The following TMEM222 variants were observed in gnomAD, a reference collection of about 807,000 sequenced individuals.
The protein encoded by TMEM222 is chromosome 1 open reading frame 160.
A neutral mutation model predicts 25.1 loss-of-function variants in TMEM222; 18 were observed. That is an observed-to-expected ratio of 0.72 (90% CI 0.50 to 1.06). The LOEUF is 1.06. Among genes scored for constraint, TMEM222 ranks in the 50% least tolerant of loss-of-function variants. TMEM222 has a pLI of 0.00. For synonymous variants in TMEM222, 131 were observed against 117.9 expected (o/e 1.11, Z -0.72); for missense variants, 296 against 293.7 (o/e 1.01, Z -0.06).
intron 3 of TMEM222, chr1:27,333,534 G>A: frequency 2.2e-6 from 1 of 452,872 alleles, no homozygotes; most frequent in Admixed American, 2.4e-5. Flanking sequence ...GAGGGCCTGA[G>A]GTGCCTTTCC....
chr1:27,325,109 G>A (rs1001397809), intron 1 of TMEM222: 6 of 323,048 alleles, frequency 1.9e-5, no homozygotes, highest in East Asian at 7.8e-5. Context: ...TAGATGTGGC[G>A]CAAGTAACTG....
intron 1 of TMEM222, among the ~76,000 whole-genome samples, chr1:27,323,254 G>C (rs2014251417): frequency 6.6e-6 from 1 of 152,242 alleles, no homozygotes; most frequent in African/African-American, 2.4e-5. Flanking sequence ...GAAGAGCTCA[G>C]TCTTCTGATC....
rs1571006029 is a variant in TMEM222 at position 27,325,810 on chromosome 1, C to A, written c.194+3419C>A. On this transcript the variant is annotated intron_variant, in intron 1 of 5. Transcript: ENST00000374076. ...AAATGCTTCTAAATGGACTGCGAGC[C>A]GATGCGTAGCATTTGCTGCATGGGT... The A allele has an allele frequency of 3.8e-6, 3 of 798,906 alleles. No homozygotes were observed. The East Asian group carries it at 7.3e-5, about 19-fold the overall frequency. 49.5% of individuals were successfully genotyped at this position (798,906 alleles called of 1,614,324 possible).
At position 27,335,374 on chromosome 1, in the gene TMEM222, G is replaced by C. The variant is rs750652918; in HGVS notation, c.540-5G>C. On this transcript the variant is annotated splice_polypyrimidine_tract_variant and splice_region_variant and intron_variant, in intron 5 of 5. Transcript: ENST00000374076. ...CACCTATGCTCGCTCCTTTCTCTCT[G>C]TCAGCGTTGGGGCCTTCGTGAAGAC... The C allele has an allele frequency of 1.9e-6, 3 of 1,614,060 alleles. No individual in the cohort carries two copies. The highest frequency in any genetic ancestry group is 2.7e-5 in the African/African-American group (2 of 74,944).
chr1:27,329,251 C>T (rs1468471863), intron 1 of TMEM222, among the ~76,000 whole-genome samples: 1 of 151,232 alleles, frequency 6.6e-6, no homozygotes, highest in African/African-American at 2.4e-5. Context: ...AACTTATGTA[C>T]CAAACGGTGT....
At chr1:27,326,350 G>A (rs757329741) in intron 1 of TMEM222, among the ~76,000 whole-genome samples, 3 of 151,970 alleles carry the variant, frequency 2.0e-5, no homozygotes, top group Non-Finnish European at 4.4e-5. Context: ...GAAGCAGTTT[G>A]CATTTACACC....
At position 27,322,288 on chromosome 1, in the gene TMEM222, G is replaced by A. The variant is rs1429903345; in HGVS notation, c.91G>A (p.Glu31Lys). The change falls in exon 1 of 6, where the codon GAG becomes AAG. Residue 31 changes from glutamate (E) to lysine (K), a missense_variant. Physicochemically the swap from Glu to Lys is moderately conservative, Grantham distance 56 (BLOSUM62 1). Coordinates refer to ENST00000374076, the MANE Select transcript of TMEM222 (RefSeq NM_032125.3). ...MAEVEAPTAA[E>K]TDMKQYQGSG... The stretch of plus-strand genomic sequence containing the variant: ...GGAAGTGGAGGCGCCGACGGCGGCC[G>A]AGACGGACATGAAGCAATATCAAGG... The A allele has an allele frequency of 3.2e-6, 5 of 1,559,642 alleles. No homozygotes were observed. The African/African-American group carries it at 4.1e-5, about 13-fold the overall frequency.
chr1:27,327,840 C>T (rs1160907903), intron 1 of TMEM222, among the ~76,000 whole-genome samples: 1 of 152,230 alleles, frequency 6.6e-6, no homozygotes, highest in African/African-American at 2.4e-5. Context: ...TTCCTGGGCT[C>T]AAGCAATCCA....
At position 27,335,376 on chromosome 1, in the gene TMEM222, C is replaced by T. The variant is rs2014580383; in HGVS notation, c.540-3C>T. ...CCTATGCTCGCTCCTTTCTCTCTGT[C>T]AGCGTTGGGGCCTTCGTGAAGACCT... On this transcript the variant is annotated splice_polypyrimidine_tract_variant and splice_region_variant and intron_variant, in intron 5 of 5. Transcript: ENST00000374076. The T allele has an allele frequency of 6.2e-7, 1 of 1,614,050 alleles. No homozygotes were observed. Among genetic ancestry groups the T allele is most frequent in the Non-Finnish European group, 8.5e-7 (1 of 1,179,996 alleles).
At chr1:27,331,212 G>C in intron 2 of TMEM222, 1 of 1,038,910 alleles carries the variant, frequency 9.6e-7, no homozygotes, top group Non-Finnish European at 1.2e-6. Flanking sequence ...AGGGGGTGGG[G>C]CTTTAGAATG....
rs551763083 is a variant in TMEM222, at chr1:27,335,380, G to A, written c.541G>A (p.Val181Ile). ...TGCTCGCTCCTTTCTCTCTGTCAGC[G>A]TTGGGGCCTTCGTGAAGACCTGGCT... is the stretch of plus-strand genomic sequence containing the variant. ...FCLLYGKYVS[V>I]GAFVKTWLPF... is the part of the protein sequence containing the mutation. The change falls in exon 6 of 6, where the codon GTT (valine) becomes ATT (isoleucine). Residue 181 changes from valine (V) to isoleucine (I), a missense_variant and splice_region_variant. Transcript: ENST00000374076. The A allele has an allele frequency of 1.5e-5, 24 of 1,614,184 alleles. No individual in the cohort carries two copies. The East Asian group carries it at 2.5e-4, about 16-fold the overall frequency.
At position 27,322,227 on chromosome 1, in the gene TMEM222, C is replaced by T; in HGVS notation, c.30C>T (p.Leu10=). 2.1e-6 allele frequency: 3 copies of T among 1,454,082 alleles called. No individual in the cohort carries two copies. Among genetic ancestry groups the T allele is most frequent in the South Asian group, 2.8e-5 (2 of 72,516 alleles). 90.1% of individuals were successfully genotyped at this position (1,454,082 alleles called of 1,614,324 possible). Residue 10 remains leucine (L), a synonymous_variant, in exon 1 of 6, where the codon CTC becomes CTT. Transcript: ENST00000374076. MAEAEGSSL[L]LLPPPPPPPR... ...CGGAAGCGGAAGGGAGTTCTCTGCT[C>T]TTGTTGCCGCCGCCGCCACCCCCGC...
intron 1 of TMEM222, among the ~76,000 whole-genome samples, chr1:27,324,429 A>G (rs1336075681): frequency 1.3e-5 from 2 of 152,192 alleles, no homozygotes; most frequent in Non-Finnish European, 2.9e-5. Flanking sequence ...ATTCTCAAAA[A>G]CACCATCTGT....
chr1:27,331,397 A>C (rs2014475501), intron 2 of TMEM222, among the ~76,000 whole-genome samples: 1 of 152,192 alleles, frequency 6.6e-6, no homozygotes, highest in African/African-American at 2.4e-5. Flanking sequence ...TAACACGACA[A>C]AGGTCTGTCA....
At chr1:27,332,449 T>A (rs1367743062) in intron 3 of TMEM222, 5 of 718,020 alleles carry the variant, frequency 7.0e-6, no homozygotes, top group Middle Eastern at 2.3e-4. Context: ...CCCTCTAGAC[T>A]CACTCTCCTG....
chr1:27,331,556 G>T (rs943203110), intron 2 of TMEM222, among the ~76,000 whole-genome samples: 3 of 152,244 alleles, frequency 2.0e-5, no homozygotes, highest in African/African-American at 7.2e-5. Context: ...ATAATGTGAT[G>T]AGTCTAGGAC....
In TMEM222 at chr1:27,334,090, T is replaced by C. The variant is rs762017258; in HGVS notation, c.408+36T>C. 9.3e-6 allele frequency: 15 copies of C among 1,613,838 alleles called. No homozygotes were observed. The East Asian group carries it at 3.1e-4, about 34-fold the overall frequency. On this transcript the variant is annotated intron_variant, in intron 4 of 5. Transcript: ENST00000374076. Reference sequence around the variant, plus strand: ...CAGGGCGGCACCGGCACTCCCCAGGTGGGGACCAGGGGGGAGGCTCCCCTG... The same window carrying C: ...CAGGGCGGCACCGGCACTCCCCAGGCGGGGACCAGGGGGGAGGCTCCCCTG...
chr1:27,325,189 G>A, intron 1 of TMEM222: 1 of 389,388 alleles, frequency 2.6e-6, no homozygotes, highest in Non-Finnish European at 4.9e-6. Flanking sequence ...CCTCAGAGAT[G>A]TTGGTAATTC....
intron 2 of TMEM222, among the ~76,000 whole-genome samples, chr1:27,331,825 GC>G (rs1416278465): frequency 6.6e-6 from 1 of 152,244 alleles, no homozygotes; most frequent in Non-Finnish European, 1.5e-5. Flanking sequence ...GGCAGCTGGA[GC>G]CCCAGATCTT....
Sources: allele counts gnomAD v4.1 joint callset (sites outside exome capture counted in the v4.1 genomes callset), GRCh38; gene constraint gnomAD v4.1.1; transcripts MANE v1.5; gene names NCBI Gene and HGNC (gene_info 2026-07-23, HGNC 2026-07-21).